FAM120A: variants seen among roughly 807,000 people sequenced by gnomAD.
FAM120A encodes family with sequence similarity 120 member A.
A neutral mutation model predicts 109.7 loss-of-function variants in FAM120A; 15 were observed. That is an observed-to-expected ratio of 0.14 (90% CI 0.09 to 0.21). The LOEUF is 0.21. Ranked by LOEUF, FAM120A falls within the 10% of genes least tolerant of loss-of-function variation. FAM120A has a pLI of 1.00. For missense variants in FAM120A, 899 were observed against 1,439.3 expected (o/e 0.62, Z 6.07); for synonymous variants, 493 against 572.8 (o/e 0.86, Z 1.99).
At chr9:93,520,990 A>G (rs1427982792) in intron 7 of FAM120A, among the ~76,000 whole-genome samples, 1 of 152,144 alleles carries the variant, frequency 6.6e-6, no homozygotes, top group African/African-American at 2.4e-5. Flanking sequence ...GTGTCTTTGT[A>G]CTGTACAGTT....
intron 7 of FAM120A, among the ~76,000 whole-genome samples, chr9:93,520,576 G>A (rs1860804495): frequency 6.6e-6 from 1 of 152,250 alleles, no homozygotes; most frequent in African/African-American, 2.4e-5. Flanking sequence ...TGTCGCCACT[G>A]AGCATTGCTG....
At chr9:93,476,205 C>G in intron 2 of FAM120A, 51 bp from the exon 3 acceptor site, 1 of 1,279,220 alleles carries the variant, frequency 7.8e-7, no homozygotes, top group Non-Finnish European at 1.1e-6. Flanking sequence ...TGAAAGTTTC[C>G]CTATGTTACT....
intron 8 of FAM120A, among the ~76,000 whole-genome samples, chr9:93,528,084 C>T (rs183975348): frequency 8.5e-5 from 13 of 152,280 alleles, no homozygotes; most frequent in East Asian, 3.9e-4. Flanking sequence ...GAATATCAGA[C>T]GTTTGTCTAA....
intron 10 of FAM120A, among the ~76,000 whole-genome samples, chr9:93,542,266 T>G (rs1321521412): frequency 2.6e-5 from 4 of 152,230 alleles, no homozygotes; most frequent in Admixed American, 1.3e-4. Context: ...CCGCTTTGGT[T>G]CTGGTGTTTA....
intron 2 of FAM120A, among the ~76,000 whole-genome samples, chr9:93,473,173 C>T (rs929828285): frequency 3.9e-5 from 6 of 151,970 alleles, no homozygotes; most frequent in Admixed American, 6.6e-5. Context: ...CCCACCACCA[C>T]GCCCGGTTAA....
At chr9:93,476,398 C>G in intron 3 of FAM120A, 60 bp downstream of exon 3, 2 of 1,139,436 alleles carry the variant, frequency 1.8e-6, no homozygotes, top group Non-Finnish European at 2.7e-6. Context: ...TTTGCTATTA[C>G]TTTAATAACA....
intron 15 of FAM120A, among the ~76,000 whole-genome samples, chr9:93,560,016 A>G (rs1028555537): frequency 1.3e-5 from 2 of 152,196 alleles, no homozygotes; most frequent in Non-Finnish European, 2.9e-5. Flanking sequence ...ATCTTGGGCC[A>G]GGCACAGTGG....
rs992895781 is a variant in FAM120A, at chr9:93,523,299, CA to C, written c.1419-3849del. The C allele has an allele frequency of 2.3e-6, 3 of 1,288,518 alleles. No homozygotes were observed. The African/African-American group carries it at 4.6e-5, about 20-fold the overall frequency. The allele number at this position is 1,288,518 out of a possible 1,614,324, so 79.8% of individuals were successfully genotyped here. A position where few individuals can be genotyped will look rare whatever the true frequency, so the allele number is the denominator to read the frequency against. ...TTTAAGGCCTTTCCAACTCTACTTGCAAAAAAACTTTGTGTTTCACAAAGAG... is the reference window on the plus strand; with the variant it reads ...TTTAAGGCCTTTCCAACTCTACTTGCAAAAAACTTTGTGTTTCACAAAGAG... On this transcript the variant is annotated intron_variant, in intron 7 of 17. Coordinates refer to ENST00000277165, the MANE Select transcript of FAM120A (RefSeq NM_014612.5).
intron 2 of FAM120A, among the ~76,000 whole-genome samples, chr9:93,473,299 C>T (rs967116415): frequency 6.6e-6 from 1 of 151,272 alleles, no homozygotes; most frequent in Non-Finnish European, 1.5e-5. Flanking sequence ...GTGTGAGCTA[C>T]CGCGCCCAGC....
At chr9:93,558,758 G>T (rs1564361976) in intron 15 of FAM120A, 40 bp downstream of exon 15, 11 of 1,605,852 alleles carry the variant, frequency 6.8e-6, no homozygotes, top group Non-Finnish European at 9.4e-6. Flanking sequence ...CTGCCTGCCA[G>T]CACTTCCTTC....
intron 17 of FAM120A, among the ~76,000 whole-genome samples, chr9:93,562,665 C>CTTTTT (rs535421624): frequency 3.0e-5 from 4 of 134,980 alleles, no homozygotes; most frequent in East Asian, 4.2e-4. Context: ...CTTTCTTTTT[C>CTTTTT]TTTTTTTTTT....
intron 7 of FAM120A, among the ~76,000 whole-genome samples, chr9:93,520,834 G>A (rs1860816105): frequency 6.6e-6 from 1 of 152,244 alleles, no homozygotes; most frequent in Non-Finnish European, 1.5e-5. Flanking sequence ...AGCAGATCAG[G>A]AAATGCTCTC....
intron 11 of FAM120A, among the ~76,000 whole-genome samples, chr9:93,547,239 A>G (rs1228481657): frequency 1.3e-5 from 2 of 152,244 alleles, no homozygotes; most frequent in Non-Finnish European, 2.9e-5. Context: ...TAGGAGCAAT[A>G]TGGCAGACAC....
chr9:93,498,528 G>A lies in FAM120A; in HGVS notation c.934-262G>A, dbSNP rs969258301. On this transcript the variant is annotated intron_variant, in intron 4 of 17. Coordinates refer to ENST00000277165, the MANE Select transcript of FAM120A (RefSeq NM_014612.5). The surrounding 1 kb of genome is among the most constrained non-coding windows in gnomAD (Gnocchi z 4.4). Reference sequence around the variant, plus strand: ...ACCGAGCAGAGTGGAAGTCAGGGAAGTCCTAGAGCTAGAACCCAGGGCCCT... The same window carrying A: ...ACCGAGCAGAGTGGAAGTCAGGGAAATCCTAGAGCTAGAACCCAGGGCCCT... 6.6e-6 allele frequency among the ~76,000 whole-genome samples: 1 copy of A among 152,222 alleles called. No individual in the cohort carries two copies. Among genetic ancestry groups the A allele is most frequent in the Non-Finnish European group, 1.5e-5 (1 of 68,042 alleles).
rs1321211201 is a variant in FAM120A at position 93,542,206 on chromosome 9, G to A, written c.1910-1016G>A. ...GCACTGGAGTGTGTCAGCCAGGGAC[G>A]GTGCCTTTGCTCATGTGTAGCAGCA... On this transcript the variant is annotated intron_variant, in intron 10 of 17. Transcript: ENST00000277165. Among the ~76,000 whole-genome samples, 6 of 152,172 alleles carry A rather than the reference G, an allele frequency of 3.9e-5. No homozygotes were observed. The East Asian group carries it at 5.8e-4, about 15-fold the overall frequency.
intron 2 of FAM120A, 53 bp downstream of exon 2, chr9:93,471,440 A>T: frequency 6.3e-7 from 1 of 1,598,334 alleles, no homozygotes; most frequent in South Asian, 1.1e-5. Context: ...TATGATAAGC[A>T]CATTGATCTT....
chr9:93,490,656 A>T (rs1307067396), intron 3 of FAM120A, among the ~76,000 whole-genome samples: 1 of 152,248 alleles, frequency 6.6e-6, no homozygotes, highest in Non-Finnish European at 1.5e-5. Flanking sequence ...AAGCAGTGAA[A>T]TATTAGAAAA....
At chr9:93,453,130 T>A in intron 1 of FAM120A, 5 of 1,006,176 alleles carry the variant, frequency 5.0e-6, no homozygotes, top group Non-Finnish European at 5.9e-6. Context: ...GTTTTGTAGA[T>A]CCCATGCGAA....
Position 93,564,505 on chromosome 9 carries a change from G to A in FAM120A, c.3322G>A (p.Ala1108Thr), listed in dbSNP as rs1425096824. The A allele has an allele frequency of 6.2e-7, 1 of 1,612,160 alleles. No individual in the cohort carries two copies. Among genetic ancestry groups the A allele is most frequent in the Non-Finnish European group, 8.5e-7 (1 of 1,178,420 alleles). Residue 1108 changes from alanine (A) to threonine (T), a missense_variant, in exon 18 of 18, where the codon GCT (alanine) becomes ACT (threonine). Physicochemically the swap from Ala to Thr is moderately conservative, Grantham distance 58 (BLOSUM62 0). Transcript: ENST00000277165. ...AGACAGCGCTTGCCGCAGAGAAGCTGCTCTGGAGGCAGCTGTCTTAAATAA... is the reference window on the plus strand; with the variant it reads ...AGACAGCGCTTGCCGCAGAGAAGCTACTCTGGAGGCAGCTGTCTTAAATAA... Reference protein sequence around the residue: ...STDSACRREAALEAAVLNKEE With the variant: ...STDSACRREATLEAAVLNKEE
Sources: allele counts gnomAD v4.1 joint callset (sites outside exome capture counted in the v4.1 genomes callset), GRCh38; gene constraint gnomAD v4.1.1; non-coding constraint Gnocchi (gnomAD v3.1); transcripts MANE v1.5; gene names NCBI Gene and HGNC (gene_info 2026-07-23, HGNC 2026-07-21).